CLCNKA: variants seen among roughly 807,000 people sequenced by gnomAD.
CLCNKA encodes the protein chloride channel protein ClC-Ka.
In CLCNKA, 66 loss-of-function variants were observed where a neutral mutation model predicts 83.3. That is an observed-to-expected ratio of 0.79 (90% confidence interval 0.65 to 0.97). CLCNKA has a LOEUF of 0.97. CLCNKA is among the 50% of genes least tolerant of loss of function. CLCNKA has a pLI of 0.00. For synonymous variants in CLCNKA, 357 were observed against 370.4 expected (o/e 0.96, Z 0.42); for missense variants, 806 against 888.7 (o/e 0.91, Z 1.18).
chr1:16,024,017 C>T (rs1281998405), intron 3 of CLCNKA, 89 bp downstream of exon 3: 12 of 1,523,862 alleles, frequency 7.9e-6, no homozygotes, highest in Non-Finnish European at 1.0e-5. Context: ...TGCAGCGGTG[C>T]AGGGACGGAC....
Position 16,026,190 on chromosome 1 carries a change from G to C in CLCNKA, c.441G>C (p.Lys147Asn), listed in dbSNP as rs377275023. 3.7e-6 allele frequency: 6 copies of C among 1,613,918 alleles called. No individual in the cohort carries two copies. The highest frequency in any genetic ancestry group is 4.2e-6 in the Non-Finnish European group (5 of 1,180,024). Residue 147 changes from lysine to asparagine, a missense_variant, in exon 5 of 20, where the codon AAG becomes AAC. Lys to Asn is a moderately conservative substitution (Grantham distance 94). Transcript: ENST00000331433. ...DYLDIKNFGAKVVGLSCTLAT... is the reference protein window; with the variant it reads ...DYLDIKNFGANVVGLSCTLAT... Reference sequence around the variant, plus strand: ...TGGATATCAAGAACTTTGGGGCCAAGGTGGTGGGCCTCTCCTGCACCCTGG... The same window carrying C: ...TGGATATCAAGAACTTTGGGGCCAACGTGGTGGGCCTCTCCTGCACCCTGG...
intron 4 of CLCNKA, among the ~76,000 whole-genome samples, chr1:16,025,762 G>A (rs1381917085): frequency 3.3e-5 from 5 of 151,994 alleles, no homozygotes; most frequent in African/African-American, 7.3e-5. Flanking sequence ...TTGTTTGTTC[G>A]TTTGTTTTTG....
In CLCNKA at chr1:16,032,253, C is replaced by T. The variant is rs1363243310; in HGVS notation, c.1807C>T (p.Leu603Phe). The change falls in exon 17 of 20, where the codon CTC (leucine) becomes TTC (phenylalanine). Residue 603 changes from leucine (L) to phenylalanine (F), a missense_variant. Leu to Phe is a conservative substitution (Grantham distance 22). Coordinates refer to ENST00000331433, the MANE Select transcript of CLCNKA (RefSeq NM_004070.4). ...IVQRAQLVQA[L>F]QAEPPSRAPG... ...GCAGAGGGCCCAGCTGGTGCAGGCC[C>T]TCCAGGCTGAGCCTCCTTCCAGGGC... The T allele has an allele frequency of 9.3e-6, 15 of 1,612,292 alleles. No homozygotes were observed. The highest frequency in any genetic ancestry group is 1.7e-5 in the Admixed American group (1 of 59,968).
intron 3 of CLCNKA, 100 bp downstream of exon 3, chr1:16,024,028 C>T: frequency 6.8e-7 from 1 of 1,462,398 alleles, no homozygotes; most frequent in South Asian, 1.1e-5. Context: ...AGGGACGGAC[C>T]TGGGTGCGGG....
At chr1:16,026,014 A>G in intron 4 of CLCNKA, 94 bp from the exon 5 acceptor site, 3 of 1,567,782 alleles carry the variant, frequency 1.9e-6, no homozygotes, top group Non-Finnish European at 2.6e-6. Context: ...TCGGCCTCCC[A>G]AAGTGCTGGG....
At position 16,030,222 on chromosome 1, in the gene CLCNKA, G is replaced by T; in HGVS notation, c.1408+147G>T. On this transcript the variant is annotated intron_variant, in intron 14 of 19. Transcript: ENST00000331433. Reference sequence around the variant, plus strand: ...CCTCATGGGGGTCTGTCCCTCCTGAGCCCCACCATTCCCCGGGGCCCATCA... The same window carrying T: ...CCTCATGGGGGTCTGTCCCTCCTGATCCCCACCATTCCCCGGGGCCCATCA... 4 of 746,552 alleles carry T rather than the reference G, an allele frequency of 5.4e-6. No homozygotes were observed. In the South Asian group the frequency reaches 7.1e-5, roughly 13 times the overall value. The allele number at this position is 746,552 out of a possible 1,614,324, so 46.2% of individuals were successfully genotyped here.
intron 2 of CLCNKA, among the ~76,000 whole-genome samples, chr1:16,023,220 C>T (rs1445570423): frequency 6.6e-6 from 1 of 152,248 alleles, no homozygotes; most frequent in Non-Finnish European, 1.5e-5. Context: ...GGCCAGCTCC[C>T]AGGCTGGGCT....
intron 9 of CLCNKA, 56 bp downstream of exon 9, chr1:16,027,961 G>A (rs2124039247): frequency 2.5e-6 from 4 of 1,614,034 alleles, no homozygotes; most frequent in Non-Finnish European, 3.4e-6. Flanking sequence ...CCAAGGCCTG[G>A]ACTGCGGCCC....
chr1:16,030,933 G>A (rs991276236), intron 15 of CLCNKA, among the ~76,000 whole-genome samples: 4 of 152,200 alleles, frequency 2.6e-5, no homozygotes, highest in Admixed American at 6.5e-5. Flanking sequence ...GTATTGCCCC[G>A]TGTACAGATT....
chr1:16,033,556 C>T, intron 19 of CLCNKA, 55 bp from the exon 20 acceptor site: 1 of 706,842 alleles, frequency 1.4e-6, no homozygotes, highest in Non-Finnish European at 2.5e-6. Context: ...GCTGGAGCCC[C>T]CCTCACAACC....
chr1:16,023,698 C>G, intron 2 of CLCNKA, 102 bp from the exon 3 acceptor site: 1 of 1,445,420 alleles, frequency 6.9e-7, no homozygotes, highest in East Asian at 2.4e-5. Context: ...CCAGACTCAA[C>G]TACCAGGGTC....
At chr1:16,028,622 C>T (rs1421781126) in intron 10 of CLCNKA, 139 bp from the exon 11 acceptor site, 2 of 1,076,182 alleles carry the variant, frequency 1.9e-6, no homozygotes, top group African/African-American at 1.5e-5. Flanking sequence ...CTGCTCCCGC[C>T]CTTCCTCCTC....
chr1:16,031,587 A>G (rs915055206), intron 15 of CLCNKA, 123 bp from the exon 16 acceptor site: 6 of 1,413,158 alleles, frequency 4.2e-6, no homozygotes, highest in African/African-American at 2.8e-5. Context: ...GAACCTCTCC[A>G]GCCCTGCTCA....
At chr1:16,024,975 C>A (rs2022292069) in intron 4 of CLCNKA, 84 bp downstream of exon 4, 2 of 1,564,244 alleles carry the variant, frequency 1.3e-6, no homozygotes, top group Admixed American at 1.7e-5. Context: ...AATCGGGAAG[C>A]TGCAGCCTCA....
rs759083193 is a variant in CLCNKA, at chr1:16,027,903, G to C, written c.864G>C (p.Leu288=). The part of the protein sequence containing the change: ...DLPEIFFFVA[L]GGICGVLSCA... Reference sequence around the variant, plus strand: ...CTGAGATCTTCTTTTTTGTGGCGCTGGGGTGAGTGGGTGCCTTGGGCCCCT... The same window carrying C: ...CTGAGATCTTCTTTTTTGTGGCGCTCGGGTGAGTGGGTGCCTTGGGCCCCT... Residue 288 remains leucine, a splice_region_variant and synonymous_variant, in exon 9 of 20, where the codon CTG becomes CTC. Transcript: ENST00000331433. The C allele has an allele frequency of 5.0e-6, 8 of 1,613,696 alleles. No individual in the cohort carries two copies. In the South Asian group the frequency reaches 8.8e-5, roughly 18 times the overall value.
At position 16,033,720 on chromosome 1, in the gene CLCNKA, C is replaced by T; in HGVS notation, c.*62C>T. The stretch of plus-strand genomic sequence containing the variant: ...ACCTGGTACTGAGGTTGGGCTGAGA[C>T]CCTGCTTCTCTTCCCCCATCACCAC... On this transcript the variant is annotated 3_prime_UTR_variant, in exon 20 of 20. Coordinates refer to ENST00000331433, the MANE Select transcript of CLCNKA (RefSeq NM_004070.4). 1 of 1,530,186 alleles carries T rather than the reference C, an allele frequency of 6.5e-7. No individual in the cohort carries two copies. The highest frequency in any genetic ancestry group is 9.0e-7 in the Non-Finnish European group (1 of 1,106,018). 94.8% of individuals were successfully genotyped at this position (1,530,186 alleles called of 1,614,324 possible). A position where few individuals can be genotyped will look rare whatever the true frequency, so the allele number is the denominator to read the frequency against.
chr1:16,028,926 C>T lies in CLCNKA; in HGVS notation c.1053+81C>T. On this transcript the variant is annotated intron_variant, in intron 11 of 19. Coordinates refer to ENST00000331433, the MANE Select transcript of CLCNKA (RefSeq NM_004070.4). ...TTGCATGTGTCTCACGTAATACCCTCAGCACCCCACCAGGGTGACACCTGG... is the reference window on the plus strand; with the variant it reads ...TTGCATGTGTCTCACGTAATACCCTTAGCACCCCACCAGGGTGACACCTGG... The T allele has an allele frequency of 4.5e-6, 7 of 1,548,480 alleles. 1 individual carries two copies. In the South Asian group the frequency reaches 6.7e-5, roughly 15 times the overall value.
At chr1:16,032,127 A>G (rs754591652) in intron 16 of CLCNKA, 76 bp from the exon 17 acceptor site, 18 of 1,413,266 alleles carry the variant, frequency 1.3e-5, no homozygotes, top group Non-Finnish European at 1.6e-5. Context: ...GACACCACCA[A>G]GGTCTTCCGG....
intron 18 of CLCNKA, among the ~76,000 whole-genome samples, 158 bp from the exon 19 acceptor site, chr1:16,033,012 C>G (rs2022695674): frequency 6.6e-6 from 1 of 152,154 alleles, no homozygotes; most frequent in South Asian, 2.1e-4. Flanking sequence ...TCTGGCATCC[C>G]CCAGTGGCCC....
Sources: allele counts gnomAD v4.1 joint callset (sites outside exome capture counted in the v4.1 genomes callset), GRCh38; gene constraint gnomAD v4.1.1; transcripts MANE v1.5; gene names NCBI Gene and HGNC (gene_info 2026-07-23, HGNC 2026-07-21).